The following FGF14 variants were observed in gnomAD, a reference collection of about 807,000 sequenced individuals.
FGF14 encodes fibroblast growth factor 14, also known as fibroblast growth factor homologous factor 4.
In FGF14, 5 loss-of-function variants were observed where a neutral mutation model predicts 25.5. That is an observed-to-expected ratio of 0.20 (90% CI 0.10 to 0.41). FGF14 has a LOEUF of 0.41. FGF14 is among the 10% of genes least tolerant of loss of function. The pLI is 1.00. For synonymous variants in FGF14, 138 were observed against 118.3 expected (o/e 1.17, Z -1.08); for missense variants, 222 against 320.1 (o/e 0.69, Z 2.34).
chr13:102,353,600 G>C (rs1040837499), intron 1 of FGF14, among the ~76,000 whole-genome samples: 4 of 152,098 alleles, frequency 2.6e-5, no homozygotes, highest in Admixed American at 2.0e-4. Flanking sequence ...CTCTCAAATT[G>C]AATCAGTCCC....
intron 1 of FGF14, among the ~76,000 whole-genome samples, chr13:101,938,261 A>G (rs1270631986): frequency 6.6e-6 from 1 of 152,076 alleles, no homozygotes; most frequent in Non-Finnish European, 1.5e-5. Context: ...ACATTTGACC[A>G]TTTGCTTCAT....
intron 1 of FGF14, among the ~76,000 whole-genome samples, chr13:102,283,111 CCCCAGCT>C (rs1295902232): frequency 1.3e-5 from 2 of 152,102 alleles, no homozygotes; most frequent in African/African-American, 4.8e-5. Context: ...TCCATGACTG[CCCCAGCT>C]CCTGCCATCA....
chr13:101,852,240 C>T (rs946917225), intron 3 of FGF14, among the ~76,000 whole-genome samples: 19 of 151,960 alleles, frequency 1.3e-4, no homozygotes, highest in African/African-American at 4.1e-4. Flanking sequence ...GAAAAGCTGA[C>T]GTCAAGAAAA....
At chr13:101,895,092 C>G (rs1017040308) in intron 1 of FGF14, among the ~76,000 whole-genome samples, 3 of 151,980 alleles carry the variant, frequency 2.0e-5, no homozygotes, top group African/African-American at 7.3e-5. Flanking sequence ...TTTTGAAATT[C>G]TGTTAATATT....
At chr13:101,725,472 C>G (rs1393258746) in intron 4 of FGF14, among the ~76,000 whole-genome samples, 1 of 151,944 alleles carries the variant, frequency 6.6e-6, no homozygotes. Context: ...AAGAGTGACA[C>G]TAAGTCAACA....
At chr13:101,950,814 C>A (rs2036122098) in intron 1 of FGF14, among the ~76,000 whole-genome samples, 1 of 141,044 alleles carries the variant, frequency 7.1e-6, no homozygotes, top group African/African-American at 2.6e-5. Context: ...AACAGGTTTG[C>A]AGAGTTAAAA....
At chr13:101,818,867 A>G (rs1435192370) in intron 3 of FGF14, among the ~76,000 whole-genome samples, 1 of 152,178 alleles carries the variant, frequency 6.6e-6, no homozygotes, top group Admixed American at 6.5e-5. Flanking sequence ...TAGGATTTCC[A>G]GTTTTCCTAT....
intron 1 of FGF14, among the ~76,000 whole-genome samples, chr13:101,894,991 A>G (rs2030413853): frequency 6.6e-6 from 1 of 152,242 alleles, no homozygotes; most frequent in Non-Finnish European, 1.5e-5. Flanking sequence ...TCACATAAAG[A>G]ATATTAGTTC....
chr13:102,225,866 G>A (rs965923774), intron 1 of FGF14, among the ~76,000 whole-genome samples: 1 of 152,102 alleles, frequency 6.6e-6, no homozygotes, highest in African/African-American at 2.4e-5. Flanking sequence ...GTTACAGGAT[G>A]TACATATTGT....
intron 3 of FGF14, among the ~76,000 whole-genome samples, chr13:101,849,745 T>G (rs2043651777): frequency 1.3e-5 from 2 of 152,088 alleles, no homozygotes; most frequent in Admixed American, 1.3e-4. Flanking sequence ...GGTATAGAAC[T>G]CCATGCCTGA....
chr13:101,945,110 G>C (rs1261328818), intron 1 of FGF14, among the ~76,000 whole-genome samples: 2 of 152,166 alleles, frequency 1.3e-5, no homozygotes, highest in Non-Finnish European at 2.9e-5. Context: ...CCTGAGGTCA[G>C]GTGTTCGAGA....
chr13:101,991,553 A>C (rs1348967318), intron 1 of FGF14, among the ~76,000 whole-genome samples: 1 of 152,102 alleles, frequency 6.6e-6, no homozygotes, highest in African/African-American at 2.4e-5. Flanking sequence ...AACAAGAAAA[A>C]GGCTGGATAA....
intron 1 of FGF14, among the ~76,000 whole-genome samples, chr13:102,148,407 T>G (rs1321425375): frequency 6.6e-6 from 1 of 152,202 alleles, no homozygotes; most frequent in Non-Finnish European, 1.5e-5. Flanking sequence ...AATATTGCCC[T>G]TTTAAAAAAT....
At chr13:102,121,599 C>T (rs1187569554) in intron 1 of FGF14, among the ~76,000 whole-genome samples, 1 of 152,104 alleles carries the variant, frequency 6.6e-6, no homozygotes, top group Non-Finnish European at 1.5e-5. Context: ...GTGTTATAGA[C>T]TTGATCCAAG....
chr13:101,886,998 A>G (rs556141419), intron 1 of FGF14, among the ~76,000 whole-genome samples: 98 of 152,272 alleles, frequency 6.4e-4, no homozygotes, highest in Middle Eastern at 3.4e-3. Context: ...ATGAGATACT[A>G]TCTCACCCCA....
At chr13:102,205,348 C>T (rs557112472) in intron 1 of FGF14, among the ~76,000 whole-genome samples, 5 of 151,810 alleles carry the variant, frequency 3.3e-5, no homozygotes, top group East Asian at 1.9e-4. Context: ...TAAAACAAGG[C>T]GCACACACTC....
intron 1 of FGF14, among the ~76,000 whole-genome samples, chr13:102,130,481 T>C (rs1487695321): frequency 2.0e-5 from 3 of 152,208 alleles, no homozygotes; most frequent in Non-Finnish European, 4.4e-5. Flanking sequence ...TGTGATTACA[T>C]TGGGTCCACC....
intron 3 of FGF14, among the ~76,000 whole-genome samples, chr13:101,741,504 GA>G (rs1350122223): frequency 6.6e-6 from 1 of 152,022 alleles, no homozygotes; most frequent in Non-Finnish European, 1.5e-5. Context: ...AAACCCTGCT[GA>G]AGTAAAATTC....
At chr13:101,969,868 A>G (rs913343084) in intron 1 of FGF14, among the ~76,000 whole-genome samples, 2 of 152,228 alleles carry the variant, frequency 1.3e-5, no homozygotes, top group Admixed American at 1.3e-4. Flanking sequence ...CCATATCTTG[A>G]CAATGAGTGC....
Sources: gnomAD v4.1 joint callset for allele counts (sites outside exome capture counted in the v4.1 genomes callset) on GRCh38, gnomAD v4.1.1 for gene constraint, MANE v1.5 for transcripts, NCBI Gene and HGNC (gene_info 2026-07-23, HGNC 2026-07-21) for gene names.